The following EIF2B3 variants were observed in gnomAD, a reference collection of about 807,000 sequenced individuals.
EIF2B3 encodes the protein eukaryotic translation initiation factor 2B subunit gamma, also known as translation initiation factor eIF2B subunit gamma.
A neutral mutation model predicts 54.1 loss-of-function variants in EIF2B3; 20 were observed. The observed-to-expected ratio is 0.37, with a 90% confidence interval of 0.26 to 0.54. The LOEUF (loss-of-function observed/expected upper bound fraction) is 0.54. Ranked by LOEUF, EIF2B3 falls within the 20% of genes least tolerant of loss-of-function variation. The pLI is 0.86. For synonymous variants in EIF2B3, 153 were observed against 188.1 expected, an observed-to-expected ratio of 0.81 and a Z score of 1.52; for missense variants, 448 against 547.8, an observed-to-expected ratio of 0.82 and a Z score of 1.82.
chr1:44,874,975 G>A, intron 9 of EIF2B3, 149 bp from the exon 10 acceptor site: 1 of 995,974 alleles, frequency 1.0e-6, no homozygotes, highest in Non-Finnish European at 1.5e-6. Context: ...AGGGCCACAA[G>A]GTCATACAAC....
chr1:44,984,252 G>A (rs531449413), intron 1 of EIF2B3, among the ~76,000 whole-genome samples: 12 of 152,194 alleles, frequency 7.9e-5, no homozygotes, highest in South Asian at 6.2e-4. Flanking sequence ...CAGCACTTTG[G>A]GAGGCCAAGA....
chr1:44,982,401 C>T (rs570322056), intron 1 of EIF2B3, among the ~76,000 whole-genome samples: 4 of 152,196 alleles, frequency 2.6e-5, no homozygotes, highest in East Asian at 3.9e-4. Context: ...CAAGTTCAAG[C>T]GATTCTCCTG....
At chr1:44,963,869 AC>A (rs1445963879) in intron 3 of EIF2B3, among the ~76,000 whole-genome samples, 1 of 152,072 alleles carries the variant, frequency 6.6e-6, no homozygotes, top group Admixed American at 6.6e-5. Flanking sequence ...TTTTCCCTCT[AC>A]CCTATAGCCC....
At chr1:44,950,081 A>T (rs1353460907) in intron 3 of EIF2B3, among the ~76,000 whole-genome samples, 1 of 152,200 alleles carries the variant, frequency 6.6e-6, no homozygotes, top group Non-Finnish European at 1.5e-5. Context: ...TTCACTCTAA[A>T]GGGAAGTTCA....
rs570265733 is a variant in EIF2B3, at chr1:44,868,222, C to T, written c.1202+6456G>A. 5.3e-5 allele frequency among the ~76,000 whole-genome samples: 8 copies of T among 151,962 alleles called. No homozygotes were observed. The South Asian group carries it at 1.7e-3, about 32-fold the overall frequency. ...GACCATCCTGGCTAATATGGTGAAA[C>T]CCCGTCTCTACTAAAAATACAAAAA... On this transcript the variant is annotated intron_variant, in intron 10 of 11. Transcript: ENST00000360403.
intron 1 of EIF2B3, among the ~76,000 whole-genome samples, chr1:44,985,760 C>T (rs527806648): frequency 6.6e-6 from 1 of 152,342 alleles, no homozygotes; most frequent in South Asian, 2.1e-4. Context: ...ATGTCACTGC[C>T]ACGACTATGG....
At chr1:44,873,201 T>C (rs571746508) in intron 10 of EIF2B3, among the ~76,000 whole-genome samples, 2 of 152,316 alleles carry the variant, frequency 1.3e-5, no homozygotes, top group East Asian at 3.9e-4. Flanking sequence ...CTGATATTAG[T>C]AGTTTAAAGC....
intron 11 of EIF2B3, among the ~76,000 whole-genome samples, chr1:44,852,671 C>A (rs56808652): frequency 6.6e-6 from 1 of 150,772 alleles, no homozygotes; most frequent in Non-Finnish European, 1.5e-5. Context: ...CCCAGCTACT[C>A]GGGAGGCTGA....
intron 4 of EIF2B3, among the ~76,000 whole-genome samples, chr1:44,928,638 T>C (rs116718874): frequency 6.6e-6 from 1 of 152,240 alleles, no homozygotes; most frequent in East Asian, 1.9e-4. Flanking sequence ...ATGCTATGTA[T>C]AGTCTATATT....
chr1:44,965,895 C>T (rs1020953869), intron 3 of EIF2B3, among the ~76,000 whole-genome samples: 8 of 151,978 alleles, frequency 5.3e-5, no homozygotes, highest in African/African-American at 1.2e-4. Context: ...CCGCCTCAGC[C>T]TCCCAAAGTG....
intron 5 of EIF2B3, among the ~76,000 whole-genome samples, chr1:44,902,584 T>A (rs1328797173): frequency 1.3e-5 from 2 of 151,984 alleles, no homozygotes; most frequent in Non-Finnish European, 2.9e-5. Context: ...CACTTTGGGA[T>A]GCCAGTGTGG....
intron 6 of EIF2B3, among the ~76,000 whole-genome samples, chr1:44,886,726 CT>C (rs1374226930): frequency 6.6e-6 from 1 of 152,260 alleles, no homozygotes; most frequent in Non-Finnish European, 1.5e-5. Flanking sequence ...AAATGCCGAG[CT>C]GTAACCAATC....
chr1:44,897,999 G>T (rs1405428040), intron 5 of EIF2B3, among the ~76,000 whole-genome samples: 1 of 152,036 alleles, frequency 6.6e-6, no homozygotes, highest in Non-Finnish European at 1.5e-5. Flanking sequence ...GCCTCCCAGA[G>T]TGGTTGGATT....
At chr1:44,859,781 G>C (rs2148894219) in intron 10 of EIF2B3, among the ~76,000 whole-genome samples, 1 of 152,232 alleles carries the variant, frequency 6.6e-6, no homozygotes, top group South Asian at 2.1e-4. Context: ...CTTTTACAAA[G>C]AGTCTCGCTC....
At chr1:44,942,377 T>TTTTTTATATATATA (rs1318229963) in intron 3 of EIF2B3, among the ~76,000 whole-genome samples, 1 of 21,586 alleles carries the variant, frequency 4.6e-5, no homozygotes, top group African/African-American at 3.0e-4. Context: ...CTTTCTGATT[T>TTTTTTATATATATA]TATATATATA....
intron 5 of EIF2B3, among the ~76,000 whole-genome samples, chr1:44,915,102 C>T (rs1643594994): frequency 6.6e-6 from 1 of 151,726 alleles, no homozygotes; most frequent in South Asian, 2.1e-4. Context: ...AGTTCAAGAC[C>T]AGCCTGGCCA....
At chr1:44,913,109 TAAAAAAAAAAAAAA>T (rs552977811) in intron 5 of EIF2B3, among the ~76,000 whole-genome samples, 1 of 103,266 alleles carries the variant, frequency 9.7e-6, no homozygotes, top group Non-Finnish European at 1.9e-5. Flanking sequence ...CGGTTTTTGT[TAAAAAAAAAAAAAA>T]AAAAAAAAAA....
intron 10 of EIF2B3, among the ~76,000 whole-genome samples, chr1:44,873,565 T>TACA (rs1205161558): frequency 6.6e-6 from 1 of 152,202 alleles, no homozygotes; most frequent in East Asian, 1.9e-4. Context: ...TAGCAAACTA[T>TACA]GGTCTTTTCA....
intron 6 of EIF2B3, among the ~76,000 whole-genome samples, chr1:44,886,124 C>T (rs369809764): frequency 2.0e-5 from 3 of 150,570 alleles, no homozygotes; most frequent in South Asian, 2.1e-4. Flanking sequence ...GATAGAGTCT[C>T]GCTGGAATGC....
Sources: gnomAD v4.1 joint callset for allele counts (sites outside exome capture counted in the v4.1 genomes callset) on GRCh38, gnomAD v4.1.1 for gene constraint, MANE v1.5 for transcripts, NCBI Gene and HGNC (gene_info 2026-07-23, HGNC 2026-07-21) for gene names.